The following RBFOX1 variants were observed in gnomAD, a reference collection of about 807,000 sequenced individuals.
RBFOX1 encodes the protein RNA binding fox-1 homolog 1.
A neutral mutation model predicts 57.7 loss-of-function variants in RBFOX1; 8 were observed. The ratio of observed to expected loss-of-function variants is 0.14; its 90% confidence interval spans 0.08 to 0.25. The LOEUF is 0.25. Among genes scored for constraint, RBFOX1 ranks in the 10% least tolerant of loss-of-function variants. The pLI, the probability that RBFOX1 is intolerant of heterozygous loss-of-function variation, is 1.00. For synonymous variants in RBFOX1, 326 were observed against 222.4 expected (o/e 1.47, Z -4.15); for missense variants, 611 against 548.5 (o/e 1.11, Z -1.14).
At chr16:7,011,537 G>C (rs541169735) in intron 3 of RBFOX1, among the ~76,000 whole-genome samples, 1 of 152,080 alleles carries the variant, frequency 6.6e-6, no homozygotes, top group African/African-American at 2.4e-5. Context: ...TTTTTGAGAC[G>C]AAGTCTTGCT....
intron 2 of RBFOX1, among the ~76,000 whole-genome samples, chr16:6,571,199 A>G (rs2153951201): frequency 6.6e-6 from 1 of 152,330 alleles, no homozygotes; most frequent in East Asian, 1.9e-4. Flanking sequence ...TCTATTCCCA[A>G]AAGGCTTCTT....
At chr16:7,546,028 A>AG (rs35834808) in intron 5 of RBFOX1, among the ~76,000 whole-genome samples, 2 of 113,214 alleles carry the variant, frequency 1.8e-5, no homozygotes, top group African/African-American at 7.3e-5. Flanking sequence ...AAAAAAAAAA[A>AG]AAGAAAAAGA....
intron 3 of RBFOX1, among the ~76,000 whole-genome samples, chr16:5,831,804 CT>C (rs1321276773): frequency 1.3e-5 from 2 of 152,132 alleles, no homozygotes; most frequent in Admixed American, 6.6e-5. Flanking sequence ...TGGCCTAATA[CT>C]GTCTTCACTA....
intron 11 of RBFOX1, among the ~76,000 whole-genome samples, chr16:7,634,092 T>C (rs1189532265): frequency 2.0e-5 from 3 of 152,218 alleles, no homozygotes; most frequent in East Asian, 1.9e-4. Context: ...TCACATATTT[T>C]ATCTTTGCTC....
chr16:7,465,902 G>A (rs79380816), intron 4 of RBFOX1, among the ~76,000 whole-genome samples: 2 of 152,120 alleles, frequency 1.3e-5, no homozygotes, highest in Middle Eastern at 3.2e-3. Context: ...TTGCCCCAAA[G>A]CATCTCATGG....
intron 2 of RBFOX1, among the ~76,000 whole-genome samples, chr16:5,583,174 TGCGCA>T (rs1255743124): frequency 9.2e-5 from 14 of 152,310 alleles, no homozygotes; most frequent in African/African-American, 3.4e-4. Flanking sequence ...TAGAATGCCA[TGCGCA>T]GCAAAAGCCA....
intron 3 of RBFOX1, among the ~76,000 whole-genome samples, chr16:5,833,020 A>G (rs1205000688): frequency 6.6e-6 from 1 of 152,106 alleles, no homozygotes; most frequent in African/African-American, 2.4e-5. Context: ...AACCCCCCAA[A>G]ATGCATAGGC....
chr16:6,944,145 C>G (rs1343830572), intron 3 of RBFOX1, among the ~76,000 whole-genome samples: 2 of 151,804 alleles, frequency 1.3e-5, no homozygotes, highest in African/African-American at 2.4e-5. Flanking sequence ...GCCTGTAATC[C>G]CAGCATTTTG....
At chr16:6,156,636 T>A (rs559298799) in intron 1 of RBFOX1, among the ~76,000 whole-genome samples, 1 of 152,082 alleles carries the variant, frequency 6.6e-6, no homozygotes, top group Non-Finnish European at 1.5e-5. Flanking sequence ...CTGAGGGTTG[T>A]GGGGGGATCC....
chr16:5,488,564 T>TATGTGATG (rs2042721135), intron 2 of RBFOX1, among the ~76,000 whole-genome samples: 1 of 24,568 alleles, frequency 4.1e-5, no homozygotes. Flanking sequence ...AATGGAGGAT[T>TATGTGATG]ATGGTGATGA....
intron 4 of RBFOX1, among the ~76,000 whole-genome samples, chr16:7,117,452 G>C (rs2066162855): frequency 6.6e-6 from 1 of 152,080 alleles, no homozygotes; most frequent in South Asian, 2.1e-4. Flanking sequence ...ATGTAAGTTG[G>C]AATTCTAGCT....
intron 2 of RBFOX1, among the ~76,000 whole-genome samples, chr16:6,540,611 CAAAAAAAAAA>C (rs140566519): frequency 3.0e-5 from 2 of 67,668 alleles, no homozygotes; most frequent in Non-Finnish European, 5.3e-5. Flanking sequence ...GACTCTGTCT[CAAAAAAAAAA>C]AAAAAAAAAA....
rs536708231 is a variant in RBFOX1, at chr16:6,452,615, A to G, written c.-64+135558A>G. On this transcript the variant is annotated intron_variant, in intron 2 of 15. Coordinates refer to ENST00000550418, the MANE Select transcript of RBFOX1 (RefSeq NM_018723.4). Reference sequence around the variant, plus strand: ...GCCACAAACTCAACTATCTAAGCAAATAGCATCAATGAGAAAAATGGGCCC... The same window carrying G: ...GCCACAAACTCAACTATCTAAGCAAGTAGCATCAATGAGAAAAATGGGCCC... Among the ~76,000 whole-genome samples the G allele has an allele frequency of 4.4e-4, 67 of 152,328 alleles. 1 individual carries two copies. Among genetic ancestry groups the G allele is most frequent in the Admixed American group, 1.6e-3 (25 of 15,294 alleles).
At chr16:5,377,586 G>C (rs2066018924) in intron 1 of RBFOX1, among the ~76,000 whole-genome samples, 1 of 148,328 alleles carries the variant, frequency 6.7e-6, no homozygotes, top group Admixed American at 6.7e-5. Context: ...AGGAGATGGG[G>C]GGAGAGAGAG....
At chr16:5,382,772 C>A (rs2066162139) in intron 1 of RBFOX1, among the ~76,000 whole-genome samples, 1 of 152,212 alleles carries the variant, frequency 6.6e-6, no homozygotes. Context: ...GAGCAAACAT[C>A]AGATAATTTA....
At chr16:6,969,706 C>T (rs1283390401) in intron 3 of RBFOX1, among the ~76,000 whole-genome samples, 4 of 151,922 alleles carry the variant, frequency 2.6e-5, no homozygotes, top group African/African-American at 9.7e-5. Flanking sequence ...ATAGTGCCAC[C>T]TCACTCCAGC....
intron 4 of RBFOX1, among the ~76,000 whole-genome samples, chr16:7,516,672 G>A (rs938881534): frequency 2.0e-5 from 3 of 152,184 alleles, no homozygotes; most frequent in African/African-American, 7.2e-5. Flanking sequence ...GACATTTGGC[G>A]AAATTTGTCT....
chr16:7,691,465 G>A (rs1685632156), intron 14 of RBFOX1, among the ~76,000 whole-genome samples: 1 of 151,778 alleles, frequency 6.6e-6, no homozygotes, highest in Non-Finnish European at 1.5e-5. Context: ...AGGAAGGAAA[G>A]GGTAGGAGAG....
rs376849408 is a variant in RBFOX1 at position 5,948,863 on chromosome 16, C to T, written c.351+81528C>T. The stretch of plus-strand genomic sequence containing the variant: ...TAATACACACTAGTAGGTCCTATCA[C>T]AAGGACAGGGGCACTGCCATTTTAT... On this transcript the variant is annotated intron_variant, in intron 4 of 19. Transcript: ENST00000641259. Among the ~76,000 whole-genome samples the T allele has an allele frequency of 1.1e-3, 171 of 152,314 alleles. 1 individual carries two copies. Among genetic ancestry groups the T allele is most frequent in the African/African-American group, 3.4e-3 (140 of 41,580 alleles).
Sources: gnomAD v4.1 joint callset for allele counts (sites outside exome capture counted in the v4.1 genomes callset) on GRCh38, gnomAD v4.1.1 for gene constraint, MANE v1.5 for transcripts, NCBI Gene and HGNC (gene_info 2026-07-23, HGNC 2026-07-21) for gene names.